Variants in FRMD4A observed in about 807,000 individuals in gnomAD.
FRMD4A encodes FERM domain-containing protein 4A.
A neutral mutation model predicts 129.1 loss-of-function variants in FRMD4A; 29 were observed. The observed-to-expected ratio is 0.22, with a 90% CI of 0.17 to 0.31. FRMD4A has a LOEUF of 0.31. FRMD4A is among the 10% of genes least tolerant of loss of function. FRMD4A has a pLI of 1.00. For missense variants in FRMD4A, 1,272 were observed against 1,375.8 expected (o/e 0.92, Z 1.19); for synonymous variants, 634 against 571.6 (o/e 1.11, Z -1.56).
chr10:13,884,932 C>T (rs2094600877), intron 2 of FRMD4A, among the ~76,000 whole-genome samples: 1 of 152,200 alleles, frequency 6.6e-6, no homozygotes, highest in Admixed American at 6.5e-5. Flanking sequence ...AGTGAGGATG[C>T]ACCATTTATT....
At chr10:13,872,109 C>T (rs900986854) in intron 2 of FRMD4A, among the ~76,000 whole-genome samples, 2 of 152,240 alleles carry the variant, frequency 1.3e-5, no homozygotes. Context: ...GAATGCTGAA[C>T]CACTGACTGC....
intron 5 of FRMD4A, among the ~76,000 whole-genome samples, chr10:13,791,002 T>C (rs2092988537): frequency 6.6e-6 from 1 of 152,060 alleles, no homozygotes; most frequent in Non-Finnish European, 1.5e-5. Context: ...TACACGTGGA[T>C]CAGTGCGTGC....
chr10:13,708,525 C>T (rs1329335182), intron 12 of FRMD4A, among the ~76,000 whole-genome samples: 1 of 152,188 alleles, frequency 6.6e-6, no homozygotes, highest in African/African-American at 2.4e-5. Context: ...CCTCTTTTGT[C>T]CCCGGCTCAG....
intron 2 of FRMD4A, among the ~76,000 whole-genome samples, chr10:14,131,672 A>G (rs947339654): frequency 2.0e-5 from 3 of 152,134 alleles, no homozygotes; most frequent in African/African-American, 7.2e-5. Flanking sequence ...ACAAAAACAT[A>G]TTTTAAAATC....
At chr10:13,702,346 G>A (rs2086912780) in intron 13 of FRMD4A, among the ~76,000 whole-genome samples, 1 of 152,182 alleles carries the variant, frequency 6.6e-6, no homozygotes, top group Non-Finnish European at 1.5e-5. Context: ...TTACAGGCAT[G>A]AGCCACCGCA....
intron 2 of FRMD4A, among the ~76,000 whole-genome samples, chr10:14,158,127 G>A (rs1455937763): frequency 6.6e-6 from 1 of 152,172 alleles, no homozygotes; most frequent in East Asian, 1.9e-4. Context: ...TCATATAAAG[G>A]TGGGGGGTGG....
intron 2 of FRMD4A, among the ~76,000 whole-genome samples, chr10:13,957,979 C>G (rs948570305): frequency 1.3e-5 from 2 of 152,028 alleles, no homozygotes; most frequent in African/African-American, 4.8e-5. Flanking sequence ...TAAACCCTGC[C>G]TGTTCTTCAA....
intron 2 of FRMD4A, among the ~76,000 whole-genome samples, chr10:14,208,964 G>T (rs1199075645): frequency 6.6e-6 from 1 of 152,150 alleles, no homozygotes; most frequent in East Asian, 1.9e-4. Flanking sequence ...GGAGGGGTGA[G>T]CTTCTCATAG....
chr10:14,131,700 G>C (rs566311082), intron 2 of FRMD4A, among the ~76,000 whole-genome samples: 1 of 152,120 alleles, frequency 6.6e-6, no homozygotes, highest in Non-Finnish European at 1.5e-5. Context: ...AGGAAACAGA[G>C]GCAAACAAGA....
intron 2 of FRMD4A, among the ~76,000 whole-genome samples, chr10:14,276,451 G>A (rs1282532656): frequency 1.3e-5 from 2 of 152,196 alleles, no homozygotes; most frequent in African/African-American, 4.8e-5. Context: ...CTGCCTCTCA[G>A]GGAACCTATT....
intron 2 of FRMD4A, among the ~76,000 whole-genome samples, chr10:14,069,899 T>C (rs1254852119): frequency 1.3e-5 from 2 of 152,226 alleles, no homozygotes; most frequent in Non-Finnish European, 2.9e-5. Flanking sequence ...ACTTTTGCTG[T>C]CTGTCTTTGG....
intron 2 of FRMD4A, among the ~76,000 whole-genome samples, chr10:14,192,194 T>G (rs917712712): frequency 6.6e-6 from 1 of 152,232 alleles, no homozygotes; most frequent in Non-Finnish European, 1.5e-5. Context: ...ATCATTCTTT[T>G]GGATGGAGAA....
rs149528840 is a variant in FRMD4A at position 13,992,361 on chromosome 10, C to T, written c.46-133449G>A. Among the ~76,000 whole-genome samples the T allele has an allele frequency of 6.1e-4, 93 of 152,332 alleles. 1 individual carries two copies. The highest frequency in any genetic ancestry group is 2.1e-3 in the African/African-American group (88 of 41,576). On this transcript the variant is annotated intron_variant, in intron 2 of 24. Transcript: ENST00000357447. Reference sequence around the variant, plus strand: ...CTCCAGCTATATTTGACACATCTAACCGGATTCATGAGTCTTTAGCCTGTC... The same window carrying T: ...CTCCAGCTATATTTGACACATCTAATCGGATTCATGAGTCTTTAGCCTGTC...
chr10:14,141,852 T>C (rs185741057), intron 2 of FRMD4A, among the ~76,000 whole-genome samples: 6 of 152,328 alleles, frequency 3.9e-5, no homozygotes, highest in African/African-American at 1.4e-4. Flanking sequence ...TGCATGTGTG[T>C]TTCACCCACA....
intron 2 of FRMD4A, among the ~76,000 whole-genome samples, chr10:13,962,253 C>T (rs113309093): frequency 6.6e-6 from 1 of 152,254 alleles, no homozygotes; most frequent in African/African-American, 2.4e-5. Flanking sequence ...TGAGATCTCT[C>T]CCCAGAGGAG....
chr10:13,999,212 G>A (rs150102803), intron 2 of FRMD4A, among the ~76,000 whole-genome samples: 7 of 152,068 alleles, frequency 4.6e-5, no homozygotes, highest in East Asian at 1.9e-4. Flanking sequence ...TGCACGCTCC[G>A]TCTCCCCCTG....
chr10:14,050,901 G>A (rs1163605944), intron 2 of FRMD4A, among the ~76,000 whole-genome samples: 2 of 152,172 alleles, frequency 1.3e-5, no homozygotes, highest in Non-Finnish European at 2.9e-5. Flanking sequence ...CATAAGCAAA[G>A]CCTTTCCCTG....
chr10:13,997,917 A>T (rs2095628668), intron 2 of FRMD4A, among the ~76,000 whole-genome samples: 1 of 152,240 alleles, frequency 6.6e-6, no homozygotes, highest in East Asian at 1.9e-4. Context: ...GCCAACACAA[A>T]GCAATTTTGA....
intron 2 of FRMD4A, among the ~76,000 whole-genome samples, chr10:13,932,185 T>C (rs2797890): frequency 0.27 from 40,658 of 152,200 alleles, 5,596 homozygotes; most frequent in South Asian, 0.38. Flanking sequence ...CCTGGTCCTC[T>C]GCTTTGTCCT....
Sources: allele counts gnomAD v4.1 joint callset (sites outside exome capture counted in the v4.1 genomes callset), GRCh38; gene constraint gnomAD v4.1.1; transcripts MANE v1.5; gene names NCBI Gene and HGNC (gene_info 2026-07-23, HGNC 2026-07-21).